PDE4D: variants seen among roughly 807,000 people sequenced by gnomAD.
PDE4D encodes the protein phosphodiesterase 4D, also known as 3',5'-cyclic-AMP phosphodiesterase 4D.
PDE4D carries 24 observed loss-of-function variants against 87.4 expected under a neutral mutation model. The observed-to-expected ratio is 0.27, with a 90% CI of 0.20 to 0.39. The LOEUF (loss-of-function observed/expected upper bound fraction) is 0.39, where lower values mean the gene tolerates loss of function less well. Among genes scored for constraint, PDE4D ranks in the 10% least tolerant of loss-of-function variants. PDE4D has a pLI of 1.00. For synonymous variants in PDE4D, 384 were observed against 383.2 expected, an observed-to-expected ratio of 1.00 and a Z score of -0.02; for missense variants, 714 against 1,041.0, an observed-to-expected ratio of 0.69 and a Z score of 4.32.
intron 1 of PDE4D, among the ~76,000 whole-genome samples, chr5:60,239,904 T>C (rs1426912281): frequency 2.0e-5 from 3 of 152,098 alleles, no homozygotes; most frequent in African/African-American, 7.2e-5. Context: ...CTCTTTTCTA[T>C]CTACCTTTTA....
At chr5:59,339,693 A>G (rs1778370081) in intron 1 of PDE4D, among the ~76,000 whole-genome samples, 5 of 152,306 alleles carry the variant, frequency 3.3e-5, no homozygotes, top group Admixed American at 3.3e-4. Context: ...ACAGACCTGA[A>G]TTCCTATTAC....
In PDE4D at chr5:59,701,752, T is replaced by C. The variant is rs139351298; in HGVS notation, c.455+191416A>G. Among the ~76,000 whole-genome samples the C allele has an allele frequency of 1.3e-3, 194 of 152,338 alleles. 1 individual carries two copies. The highest frequency in any genetic ancestry group is 1.9e-3 in the Non-Finnish European group (126 of 68,028). ...AGAAGGCTGTGTGGTGCATAGTTGATGTGAATCTTCTTCACAACTTCTCAA... is the reference window on the plus strand; with the variant it reads ...AGAAGGCTGTGTGGTGCATAGTTGACGTGAATCTTCTTCACAACTTCTCAA... On this transcript the variant is annotated intron_variant, in intron 1 of 14. Transcript: ENST00000340635.
intron 1 of PDE4D, among the ~76,000 whole-genome samples, chr5:59,773,338 A>G (rs1021230041): frequency 6.6e-6 from 1 of 152,192 alleles, no homozygotes; most frequent in South Asian, 2.1e-4. Context: ...TTGACTCTAC[A>G]TTATACAAAC....
intron 1 of PDE4D, among the ~76,000 whole-genome samples, chr5:60,297,689 T>C (rs1427620662): frequency 6.6e-6 from 1 of 152,238 alleles, no homozygotes; most frequent in Non-Finnish European, 1.5e-5. Context: ...TATTATCCTA[T>C]AACCAAAGGT....
chr5:60,362,205 T>C (rs773672315), intron 1 of PDE4D, among the ~76,000 whole-genome samples: 2 of 152,222 alleles, frequency 1.3e-5, no homozygotes, highest in African/African-American at 4.8e-5. Flanking sequence ...AAAAGTGTCA[T>C]GAGACCCACC....
intron 1 of PDE4D, among the ~76,000 whole-genome samples, chr5:60,203,505 T>C (rs1742162187): frequency 6.6e-6 from 1 of 152,234 alleles, no homozygotes; most frequent in Admixed American, 6.5e-5. Flanking sequence ...ACCTCAAAAT[T>C]TGATACTATT....
chr5:59,158,503 C>T (rs1170213500), intron 5 of PDE4D, among the ~76,000 whole-genome samples: 1 of 152,110 alleles, frequency 6.6e-6, no homozygotes, highest in Non-Finnish European at 1.5e-5. Context: ...TTGTTGAAAA[C>T]TCAAAATAGC....
At chr5:59,111,675 G>A (rs567172826) in intron 5 of PDE4D, among the ~76,000 whole-genome samples, 2 of 152,334 alleles carry the variant, frequency 1.3e-5, no homozygotes, top group Non-Finnish European at 2.9e-5. Context: ...ATGAGACAGA[G>A]ACCAAAGCCA....
intron 1 of PDE4D, among the ~76,000 whole-genome samples, chr5:59,284,513 TATC>T (rs1348001517): frequency 6.6e-6 from 1 of 151,884 alleles, no homozygotes; most frequent in African/African-American, 2.4e-5. Context: ...CACTATGAGA[TATC>T]ATCTCACACC....
At chr5:59,273,929 C>T (rs936608452) in intron 1 of PDE4D, among the ~76,000 whole-genome samples, 114 of 152,180 alleles carry the variant, frequency 7.5e-4, no homozygotes, top group African/African-American at 2.6e-3. Flanking sequence ...AAATACATCT[C>T]CTGGCAGTTT....
At chr5:59,805,161 G>A (rs1382979901) in intron 1 of PDE4D, among the ~76,000 whole-genome samples, 1 of 152,142 alleles carries the variant, frequency 6.6e-6, no homozygotes, top group Non-Finnish European at 1.5e-5. Context: ...ATGACCCTGT[G>A]TGTATTCCAC....
rs1761814778 is a variant in PDE4D, at chr5:59,260,565, TTTTC to T, written c.456-44601_456-44598del. 1.3e-5 allele frequency among the ~76,000 whole-genome samples: 2 copies of T among 151,850 alleles called. 1 individual carries two copies. Among genetic ancestry groups the T allele is most frequent in the South Asian group, 4.1e-4 (2 of 4,828 alleles). ...CTTATTGAAGTAAGTTAGCTAAAAC[TTTTC>T]TTTGTGTATTGGAAATTTAGACAAT... On this transcript the variant is annotated intron_variant, in intron 1 of 14. Coordinates refer to ENST00000340635, the MANE Select transcript of PDE4D (RefSeq NM_001104631.2).
chr5:60,233,483 C>G (rs1220255915), intron 1 of PDE4D, among the ~76,000 whole-genome samples: 18 of 151,086 alleles, frequency 1.2e-4, no homozygotes, highest in Admixed American at 1.1e-3. Context: ...ACTTTGAGAT[C>G]AATATAGAAG....
chr5:60,397,805 G>A (rs373387616), intron 1 of PDE4D, among the ~76,000 whole-genome samples: 12 of 152,274 alleles, frequency 7.9e-5, no homozygotes, highest in African/African-American at 2.9e-4. Flanking sequence ...CATCCTTTGT[G>A]CTATTCTGCC....
chr5:59,335,569 C>T (rs576780624), intron 1 of PDE4D, among the ~76,000 whole-genome samples: 2 of 152,098 alleles, frequency 1.3e-5, no homozygotes, highest in Non-Finnish European at 2.9e-5. Flanking sequence ...CATTTAAGAC[C>T]AACTTAAAGG....
intron 2 of PDE4D, among the ~76,000 whole-genome samples, chr5:60,112,379 T>C (rs1457981181): frequency 6.6e-6 from 1 of 152,070 alleles, no homozygotes; most frequent in Non-Finnish European, 1.5e-5. Flanking sequence ...CCACTACTGT[T>C]TTGAACTGTG....
chr5:59,452,338 A>G (rs565553409), intron 1 of PDE4D, among the ~76,000 whole-genome samples: 3 of 152,350 alleles, frequency 2.0e-5, no homozygotes. Flanking sequence ...AGCTAAAAGA[A>G]ACACTCTATG....
chr5:60,084,542 T>C (rs1774333221), intron 2 of PDE4D, among the ~76,000 whole-genome samples: 3 of 151,652 alleles, frequency 2.0e-5, no homozygotes, highest in African/African-American at 7.3e-5. Context: ...AAAATTTACA[T>C]ACAATTTGAA....
At chr5:59,598,949 T>TC (rs1020129226) in intron 1 of PDE4D, among the ~76,000 whole-genome samples, 18 of 151,994 alleles carry the variant, frequency 1.2e-4, no homozygotes, top group African/African-American at 4.3e-4. Context: ...ACTTTCCCAT[T>TC]CCCCCCAGTG....
Sources: allele counts gnomAD v4.1 joint callset (sites outside exome capture counted in the v4.1 genomes callset), GRCh38; gene constraint gnomAD v4.1.1; transcripts MANE v1.5; gene names NCBI Gene and HGNC (gene_info 2026-07-23, HGNC 2026-07-21).